The following MAJIN variants were observed in gnomAD, a reference collection of about 807,000 sequenced individuals.
The protein encoded by MAJIN is membrane-anchored junction protein.
A neutral mutation model predicts 30.2 loss-of-function variants in MAJIN; 27 were observed. That is an observed-to-expected ratio of 0.89 (90% CI 0.66 to 1.23). MAJIN has a LOEUF of 1.23. MAJIN is among the 50% of genes most tolerant of loss of function. The pLI, the probability that MAJIN is intolerant of heterozygous loss-of-function variation, is 0.00. For missense variants in MAJIN, 253 were observed against 260.3 expected (o/e 0.97, Z 0.19); for synonymous variants, 78 against 91.6 (o/e 0.85, Z 0.85).
At chr11:64,966,448 T>C (rs1340266992) in intron 1 of MAJIN, among the ~76,000 whole-genome samples, 8 of 151,880 alleles carry the variant, frequency 5.3e-5, no homozygotes, top group African/African-American at 9.7e-5. Flanking sequence ...GGTAGGAGAA[T>C]TGCTTGAACC....
chr11:64,956,327 A>C lies in MAJIN; in HGVS notation c.102-1525T>G, dbSNP rs1032769727. On this transcript the variant is annotated intron_variant, in intron 3 of 10. Transcript: ENST00000301896. ...ATAAATAAATAAATAAATAAAAATA[A>C]AAATACAAAAAATTAGCTGGACGTG... 1.0e-4 allele frequency among the ~76,000 whole-genome samples: 15 copies of C among 149,472 alleles called. No individual in the cohort carries two copies. In the South Asian group the frequency reaches 1.3e-3, roughly 13 times the overall value.
chr11:64,946,088 ACTCTC>A, intron 8 of MAJIN: 1 of 1,532,810 alleles, frequency 6.5e-7, no homozygotes, highest in Non-Finnish European at 8.7e-7. Flanking sequence ...TTTAGTACTT[ACTCTC>A]CTGGTTTCCA....
rs1945318679 is a variant in MAJIN at position 64,938,374 on chromosome 11, A to G, written c.*201T>C. ...GGAAAAAATCTATTATAAAGGGGCA[A>G]AGGACACGATAAAACCACAGAGGAC... On this transcript the variant is annotated 3_prime_UTR_variant, in exon 11 of 11. Coordinates refer to ENST00000301896, the MANE Select transcript of MAJIN (RefSeq NM_001037225.3). 1 of 778,946 alleles carries G rather than the reference A, an allele frequency of 1.3e-6. No homozygotes were observed. Among genetic ancestry groups the G allele is most frequent in the Non-Finnish European group, 2.1e-6 (1 of 487,496 alleles). 48.3% of individuals were successfully genotyped at this position (778,946 alleles called of 1,614,324 possible).
chr11:64,940,591 G>C lies in MAJIN; in HGVS notation c.529C>G (p.Leu177Val). ...DCRRLWPLIS[L>V]MSRNKILSGD... is the part of the protein sequence containing the mutation. ...GGACCTACCTTGTTTCTGGACATCA[G>C]TGATATCAGAGGCCAGAGTCTCCTG... The change falls in exon 9 of 11, where the codon CTG becomes GTG. Residue 177 changes from leucine to valine, a missense_variant. Leu to Val is a conservative substitution (Grantham distance 32). Transcript: ENST00000301896. 6.2e-7 allele frequency: 1 copy of C among 1,613,962 alleles called. No homozygotes were observed. The highest frequency in any genetic ancestry group is 8.5e-7 in the Non-Finnish European group (1 of 1,179,864).
chr11:64,969,394 A>G (rs1945861661), intron 1 of MAJIN, among the ~76,000 whole-genome samples: 1 of 151,792 alleles, frequency 6.6e-6, no homozygotes, highest in Non-Finnish European at 1.5e-5. Flanking sequence ...CTTCCTTATA[A>G]GCCAGGTTAC....
intron 1 of MAJIN, among the ~76,000 whole-genome samples, chr11:64,965,078 C>CT (rs759402502): frequency 1.3e-4 from 20 of 152,090 alleles, no homozygotes; most frequent in Non-Finnish European, 2.5e-4. Flanking sequence ...TGGATAAAGT[C>CT]TTTTTTATAA....
At chr11:64,951,229 A>G (rs938216140) in intron 4 of MAJIN, among the ~76,000 whole-genome samples, 2 of 152,200 alleles carry the variant, frequency 1.3e-5, no homozygotes, top group Admixed American at 1.3e-4. Context: ...CATTGAATGA[A>G]TGAATAATAC....
At chr11:64,956,818 G>A (rs1375054131) in intron 3 of MAJIN, among the ~76,000 whole-genome samples, 1 of 142,120 alleles carries the variant, frequency 7.0e-6, no homozygotes, top group Non-Finnish European at 1.5e-5. Context: ...CCAGGCTGGA[G>A]TGCAATAGCG....
At chr11:64,949,150 CCT>C (rs974899248) in intron 6 of MAJIN, among the ~76,000 whole-genome samples, 4 of 146,984 alleles carry the variant, frequency 2.7e-5, no homozygotes, top group Admixed American at 6.8e-5. Context: ...TAGTCAGACC[CCT>C]GTCTCTACTA....
chr11:64,959,438 A>G lies in MAJIN; in HGVS notation c.-17-16T>C. ...AAACGATAGCCTAAATAAAATAGAAAGAGAATTACTAAAAAGCTAACGATT... is the reference window on the plus strand; with the variant it reads ...AAACGATAGCCTAAATAAAATAGAAGGAGAATTACTAAAAAGCTAACGATT... On this transcript the variant is annotated splice_polypyrimidine_tract_variant and intron_variant, in intron 2 of 10. Coordinates refer to ENST00000301896, the MANE Select transcript of MAJIN (RefSeq NM_001037225.3). The G allele has an allele frequency of 6.3e-7, 1 of 1,574,974 alleles. No homozygotes were observed. Among genetic ancestry groups the G allele is most frequent in the Non-Finnish European group, 8.7e-7 (1 of 1,145,958 alleles).
At chr11:64,943,255 A>G (rs1300758171) in intron 8 of MAJIN, among the ~76,000 whole-genome samples, 1 of 152,242 alleles carries the variant, frequency 6.6e-6, no homozygotes, top group Non-Finnish European at 1.5e-5. Flanking sequence ...TTTCTGGGCC[A>G]TTCATCTGCT....
intron 4 of MAJIN, among the ~76,000 whole-genome samples, chr11:64,951,408 A>G (rs529131407): frequency 6.6e-6 from 1 of 152,266 alleles, no homozygotes; most frequent in African/African-American, 2.4e-5. Flanking sequence ...AAAAGTCTCA[A>G]TTTCAATCCC....
At position 64,947,359 on chromosome 11, in the gene MAJIN, C is replaced by T; in HGVS notation, c.473+15G>A. 1 of 1,605,800 alleles carries T rather than the reference C, an allele frequency of 6.2e-7. No homozygotes were observed. The highest frequency in any genetic ancestry group is 1.1e-5 in the South Asian group (1 of 90,176). ...CTAGGACGCAGGAGCGAGCCTCTCT[C>T]CCCACACCACTGACCTGTCCAGCCC... On this transcript the variant is annotated intron_variant, in intron 8 of 10. Coordinates refer to ENST00000301896, the MANE Select transcript of MAJIN (RefSeq NM_001037225.3).
At chr11:64,947,324 CAA>C (rs1298540727) in intron 8 of MAJIN, 48 bp downstream of exon 8, 6 of 1,507,840 alleles carry the variant, frequency 4.0e-6, no homozygotes, top group Non-Finnish European at 5.4e-6. Flanking sequence ...TAATAGCTGG[CAA>C]AGCCTAACTA....
At chr11:64,953,792 AAAACAAAC>A (rs896745384) in intron 4 of MAJIN, among the ~76,000 whole-genome samples, 2 of 152,146 alleles carry the variant, frequency 1.3e-5, no homozygotes, top group African/African-American at 2.4e-5. Flanking sequence ...TCCATCTCAA[AAAACAAAC>A]AAACAAACAA....
chr11:64,962,604 A>T (rs1177247584), intron 1 of MAJIN, among the ~76,000 whole-genome samples: 2 of 152,210 alleles, frequency 1.3e-5, no homozygotes, highest in East Asian at 3.8e-4. Flanking sequence ...TGGAGGACCA[A>T]GGCTTGAGTC....
intron 10 of MAJIN, among the ~76,000 whole-genome samples, chr11:64,939,032 T>G (rs1236070020): frequency 1.3e-5 from 2 of 152,136 alleles, no homozygotes; most frequent in Non-Finnish European, 2.9e-5. Flanking sequence ...CAGGTTAAAG[T>G]GATTCTCCTG....
chr11:64,959,610 G>T (rs1393398652), intron 2 of MAJIN, among the ~76,000 whole-genome samples, 188 bp from the exon 3 acceptor site: 2 of 152,146 alleles, frequency 1.3e-5, no homozygotes, highest in Non-Finnish European at 2.9e-5. Context: ...AGTGTGTTGG[G>T]ATAACCTTTA....
chr11:64,957,329 T>C (rs1945652017), intron 3 of MAJIN, among the ~76,000 whole-genome samples: 2 of 148,300 alleles, frequency 1.3e-5, no homozygotes, highest in East Asian at 2.0e-4. Flanking sequence ...ATCCTCCCAC[T>C]TGAGCCTCCC....
Sources: gnomAD v4.1 joint callset for allele counts (sites outside exome capture counted in the v4.1 genomes callset) on GRCh38, gnomAD v4.1.1 for gene constraint, MANE v1.5 for transcripts, NCBI Gene and HGNC (gene_info 2026-07-23, HGNC 2026-07-21) for gene names.